CSTF3: variants seen among roughly 807,000 people sequenced by gnomAD.
CSTF3 encodes the protein CF-1 77 kDa subunit.
CSTF3 carries 29 observed loss-of-function variants against 105.8 expected under a neutral mutation model. The ratio of observed to expected loss-of-function variants is 0.27; its 90% confidence interval spans 0.20 to 0.37. The LOEUF (loss-of-function observed/expected upper bound fraction) is 0.37. Among genes scored for constraint, CSTF3 ranks in the 10% least tolerant of loss-of-function variants. The pLI is 1.00. For synonymous variants in CSTF3, 252 were observed against 281.9 expected (o/e 0.89, Z 1.06); for missense variants, 357 against 879.3 (o/e 0.41, Z 7.51).
intron 3 of CSTF3, among the ~76,000 whole-genome samples, chr11:33,112,734 T>C (rs1225312631): frequency 1.3e-5 from 2 of 152,212 alleles, no homozygotes; most frequent in Non-Finnish European, 2.9e-5. Context: ...CATGAAAACA[T>C]CTTAGCTATA....
chr11:33,148,418 C>T (rs931852409), intron 1 of CSTF3, among the ~76,000 whole-genome samples: 2 of 152,168 alleles, frequency 1.3e-5, no homozygotes, highest in East Asian at 1.9e-4. Context: ...CATGGCTCAT[C>T]GGGTGCAGTG....
At chr11:33,129,400 T>G (rs997056382) in intron 3 of CSTF3, among the ~76,000 whole-genome samples, 1 of 151,914 alleles carries the variant, frequency 6.6e-6, no homozygotes, top group African/African-American at 2.4e-5. Flanking sequence ...CCTACTTTTT[T>G]TTTTTTTTAC....
At chr11:33,106,976 A>T (rs1435045647) in intron 5 of CSTF3, among the ~76,000 whole-genome samples, 1 of 152,108 alleles carries the variant, frequency 6.6e-6, no homozygotes, top group East Asian at 1.9e-4. Flanking sequence ...ACTTCAATAT[A>T]AGACAATAAA....
intron 3 of CSTF3, among the ~76,000 whole-genome samples, chr11:33,124,917 C>G (rs1158127263): frequency 6.6e-6 from 1 of 152,102 alleles, no homozygotes. Context: ...GGTCATTTAT[C>G]TTTTTGTTTC....
intron 1 of CSTF3, among the ~76,000 whole-genome samples, chr11:33,147,348 G>A (rs833032): frequency 0.017 from 2,590 of 152,062 alleles, 84 homozygotes; most frequent in African/African-American, 0.059. Context: ...TGTAATCCCA[G>A]CACTTTGGGA....
intron 17 of CSTF3, 149 bp downstream of exon 17, chr11:33,090,383 A>G: frequency 2.2e-6 from 1 of 465,034 alleles, no homozygotes; most frequent in Non-Finnish European, 3.7e-6. Flanking sequence ...CCTAAACCCA[A>G]GGAAAATCTT....
intron 3 of CSTF3, among the ~76,000 whole-genome samples, chr11:33,136,630 G>C (rs1855656314): frequency 6.6e-6 from 1 of 151,888 alleles, no homozygotes. Flanking sequence ...TGATTCCCCT[G>C]AGCTCAAGTT....
chr11:33,155,360 T>A lies in CSTF3; in HGVS notation c.27+5939A>T, dbSNP rs563314040. 3.6e-5 allele frequency among the ~76,000 whole-genome samples: 5 copies of A among 139,506 alleles called. No individual in the cohort carries two copies. The East Asian group carries it at 1.0e-3, about 29-fold the overall frequency. 91.5% of individuals were successfully genotyped at this position (139,506 alleles called of 152,430 possible). A position where few individuals can be genotyped will look rare whatever the true frequency, so the allele number is the denominator to read the frequency against. ...GCCTGGGCGAAAGTGCAAGACTCTG[T>A]CTCGAAAAAATAAAAATAAAAAAAT... On this transcript the variant is annotated intron_variant, in intron 1 of 20. Transcript: ENST00000323959.
intron 1 of CSTF3, among the ~76,000 whole-genome samples, chr11:33,153,057 AAAT>A (rs1246858894): frequency 1.3e-5 from 2 of 152,144 alleles, no homozygotes; most frequent in Admixed American, 6.5e-5. Context: ...ATTCACTTAA[AAAT>A]AATAAATTCC....
At chr11:33,129,361 G>A (rs1855575503) in intron 3 of CSTF3, among the ~76,000 whole-genome samples, 1 of 151,832 alleles carries the variant, frequency 6.6e-6, no homozygotes, top group Admixed American at 6.6e-5. Flanking sequence ...CAAAGTGCTG[G>A]GATTACAGGC....
intron 17 of CSTF3, among the ~76,000 whole-genome samples, chr11:33,087,920 C>T (rs1210656064): frequency 6.6e-6 from 1 of 152,194 alleles, no homozygotes; most frequent in Non-Finnish European, 1.5e-5. Context: ...AATACAGTCA[C>T]CTATGAACAG....
intron 3 of CSTF3, among the ~76,000 whole-genome samples, chr11:33,127,166 T>C (rs1284507995): frequency 6.6e-6 from 1 of 152,198 alleles, no homozygotes; most frequent in Non-Finnish European, 1.5e-5. Context: ...ACTATTAATA[T>C]GTGGATTATC....
chr11:33,155,296 G>A (rs1036943457), intron 1 of CSTF3, among the ~76,000 whole-genome samples: 9 of 151,816 alleles, frequency 5.9e-5, no homozygotes, highest in East Asian at 3.9e-4. Context: ...CCCAGGAAGC[G>A]GAGCTTGCAG....
chr11:33,107,939 T>G lies in CSTF3; in HGVS notation c.320A>C (p.Tyr107Ser). 2 of 1,611,408 alleles carry G rather than the reference T, an allele frequency of 1.2e-6. No homozygotes were observed. Among genetic ancestry groups the G allele is most frequent in the Non-Finnish European group, 1.7e-6 (2 of 1,178,874 alleles). ...TAGTTTACCCTTGGTTTCTCGGACA[T>G]ATGAAAGATAACACTTCCATAAATC... ...HIDLWKCYLSYVRETKGKLPS... is the reference protein window; with the variant it reads ...HIDLWKCYLSSVRETKGKLPS... The change falls in exon 5 of 21, where the codon TAT (tyrosine) becomes TCT (serine). Residue 107 changes from tyrosine to serine, a missense_variant. This residue lies in a region of CSTF3 where 78 missense variants were observed against 180.4 expected (regional missense o/e 0.43). Transcript: ENST00000323959.
chr11:33,104,626 G>A (rs1855310607), intron 8 of CSTF3, among the ~76,000 whole-genome samples: 2 of 152,102 alleles, frequency 1.3e-5, no homozygotes, highest in Non-Finnish European at 2.9e-5. Flanking sequence ...TAGCTTGAGA[G>A]TGGTGGGGCA....
At position 33,085,092 on chromosome 11, in the gene CSTF3, G is replaced by T. The variant is rs1254168235; in HGVS notation, c.2149C>A (p.Arg717=). Residue 717 remains arginine (R), a synonymous_variant, in exon 21 of 21, where the codon CGG becomes AGG. Transcript: ENST00000323959. ...IYRARQQKRI[R] ...CTGCAGAGGCGTTTAAAACCCTACCGAATCCGCTTCTGCTGCCGTGCTCTG... is the reference window on the plus strand; with the variant it reads ...CTGCAGAGGCGTTTAAAACCCTACCTAATCCGCTTCTGCTGCCGTGCTCTG... 3 of 1,614,106 alleles carry T rather than the reference G, an allele frequency of 1.9e-6. No individual in the cohort carries two copies. The highest frequency in any genetic ancestry group is 2.5e-6 in the Non-Finnish European group (3 of 1,179,988).
intron 8 of CSTF3, among the ~76,000 whole-genome samples, chr11:33,104,254 A>T (rs911628075): frequency 6.6e-6 from 1 of 152,228 alleles, no homozygotes; most frequent in Non-Finnish European, 1.5e-5. Context: ...CAGGGAGTCC[A>T]TGAGATCAAA....
intron 20 of CSTF3, 31 bp from the exon 21 acceptor site, chr11:33,085,320 CAT>C (rs143330290): frequency 0.032 from 47,992 of 1,499,868 alleles, 1,182 homozygotes; most frequent in African/African-American, 0.13. Flanking sequence ...AACGTAAAAA[CAT>C]ATTCCACTAT....
chr11:33,161,396 C>A lies in CSTF3; in HGVS notation c.-71G>T. On this transcript the variant is annotated 5_prime_UTR_variant, in exon 1 of 21. Coordinates refer to ENST00000323959, the MANE Select transcript of CSTF3 (RefSeq NM_001326.3). The stretch of plus-strand genomic sequence containing the variant: ...TAGAAAAGAAAAATTAAACTAAAAA[C>A]CACCCCCAAATCAGTAAAGTTACCC... 2 of 1,562,826 alleles carry A rather than the reference C, an allele frequency of 1.3e-6. No individual in the cohort carries two copies. The highest frequency in any genetic ancestry group is 2.2e-5 in the East Asian group (1 of 44,526).
Sources: gnomAD v4.1 joint callset for allele counts (sites outside exome capture counted in the v4.1 genomes callset) on GRCh38, gnomAD v4.1.1 for gene constraint, gnomAD v4.1.1 regional missense constraint, MANE v1.5 for transcripts, NCBI Gene and HGNC (gene_info 2026-07-23, HGNC 2026-07-21) for gene names.